GRID2: variants seen among roughly 807,000 people sequenced by gnomAD.
The protein encoded by GRID2 is glutamate receptor ionotropic, delta-2.
Under a neutral mutation model 114.8 loss-of-function variants are expected in GRID2, and 33 were observed. The ratio of observed to expected loss-of-function variants is 0.29; its 90% confidence interval spans 0.22 to 0.38. The LOEUF is 0.38. GRID2 is among the 10% of genes least tolerant of loss of function. The pLI, the probability that GRID2 is intolerant of heterozygous loss-of-function variation, is 1.00. For synonymous variants in GRID2, 505 were observed against 449.9 expected (o/e 1.12, Z -1.55); for missense variants, 1,184 against 1,257.7 (o/e 0.94, Z 0.89).
At chr4:93,112,482 G>A (rs1459693668) in intron 4 of GRID2, among the ~76,000 whole-genome samples, 3 of 151,996 alleles carry the variant, frequency 2.0e-5, no homozygotes, top group Admixed American at 6.6e-5. Context: ...TTTCTGCTGC[G>A]CTCTGACTCT....
intron 7 of GRID2, among the ~76,000 whole-genome samples, chr4:93,233,333 TTA>T (rs1491165262): frequency 0.015 from 1,546 of 100,098 alleles, 8 homozygotes; most frequent in African/African-American, 0.028. Flanking sequence ...ATTATTATTA[TTA>T]TTTTTTTTTT....
At chr4:93,146,985 A>G (rs970478957) in intron 4 of GRID2, among the ~76,000 whole-genome samples, 18 of 152,178 alleles carry the variant, frequency 1.2e-4, no homozygotes, top group Non-Finnish European at 2.6e-4. Context: ...TTGTTTTTGA[A>G]TGTAGAATGA....
chr4:93,364,232 T>C lies in GRID2; in HGVS notation c.1246-31375T>C, dbSNP rs150818696. Among the ~76,000 whole-genome samples, 754 of 152,230 alleles carry C rather than the reference T, an allele frequency of 5.0e-3. 4 individuals carry two copies. The highest frequency in any genetic ancestry group is 0.017 in the African/African-American group (727 of 41,566). ...GCTATTTTTATTTGTTTGTAGGTAA[T>C]CTGTTTTTGTGCTTAGACACATGTG... is the stretch of plus-strand genomic sequence containing the variant. On this transcript the variant is annotated intron_variant, in intron 8 of 15. Transcript: ENST00000282020.
intron 1 of GRID2, among the ~76,000 whole-genome samples, chr4:92,314,349 T>C (rs964313696): frequency 2.0e-5 from 3 of 152,172 alleles, no homozygotes; most frequent in South Asian, 2.1e-4. Context: ...AATATTTCTA[T>C]TCTGTTAGTG....
intron 2 of GRID2, among the ~76,000 whole-genome samples, chr4:93,082,043 C>T (rs193114379): frequency 8.5e-4 from 130 of 152,226 alleles, no homozygotes; most frequent in Middle Eastern, 3.4e-3. Context: ...ATGCTTCAAC[C>T]GACATTTTGT....
intron 2 of GRID2, among the ~76,000 whole-genome samples, chr4:92,691,859 A>G (rs1287610098): frequency 6.6e-6 from 1 of 151,806 alleles, no homozygotes; most frequent in Non-Finnish European, 1.5e-5. Flanking sequence ...TAGGGTTTTT[A>G]TAACCATTAT....
chr4:92,454,953 T>A lies in GRID2; in HGVS notation c.89-135178T>A, dbSNP rs557780753. Among the ~76,000 whole-genome samples, 435 of 152,282 alleles carry A rather than the reference T, an allele frequency of 2.9e-3. 1 individual carries two copies. Among genetic ancestry groups the A allele is most frequent in the African/African-American group, 9.9e-3 (410 of 41,566 alleles). ...ACCAAACTAGAGTATTTAAAAAAAA[T>A]TATTTCTAAGAGGTTGATTTTAAAC... On this transcript the variant is annotated intron_variant, in intron 1 of 15. Transcript: ENST00000282020.
At chr4:92,380,228 T>G (rs1190250369) in intron 1 of GRID2, among the ~76,000 whole-genome samples, 3 of 151,828 alleles carry the variant, frequency 2.0e-5, no homozygotes, top group African/African-American at 7.2e-5. Flanking sequence ...TGTGTAATGA[T>G]ATAATTGAAA....
chr4:93,051,610 G>A (rs1726725762), intron 2 of GRID2, among the ~76,000 whole-genome samples: 1 of 151,976 alleles, frequency 6.6e-6, no homozygotes. Flanking sequence ...GCTATTGATG[G>A]GGAAGAATTT....
intron 12 of GRID2, among the ~76,000 whole-genome samples, chr4:93,505,736 TTAAC>T (rs1245654638): frequency 6.6e-6 from 1 of 151,406 alleles, no homozygotes; most frequent in East Asian, 1.9e-4. Flanking sequence ...ATTTGTTTAT[TTAAC>T]TAATAGCCAT....
At position 93,560,222 on chromosome 4, in the gene GRID2, T is replaced by TAAAAAAAAAAAAAAAAAAAAAAA. The variant is rs70942974; in HGVS notation, c.2193+44820_2193+44842dup. 3.5e-4 allele frequency among the ~76,000 whole-genome samples: 15 copies of TAAAAAAAAAAAAAAAAAAAAAAA among 42,946 alleles called. 2 individuals carry two copies. Among genetic ancestry groups the TAAAAAAAAAAAAAAAAAAAAAAA allele is most frequent in the Non-Finnish European group, 4.8e-4 (12 of 25,190 alleles). 28.2% of individuals were successfully genotyped at this position (42,946 alleles called of 152,430 possible). A position where few individuals can be genotyped will look rare whatever the true frequency, so the allele number is the denominator to read the frequency against. ...TACGCATGTATTCCAGAACTTAAAG[T>TAAAAAAAAAAAAAAAAAAAAAAA]AAAAAAAAAAAAAAAAAAAAAAAAA... On this transcript the variant is annotated intron_variant, in intron 13 of 15. Coordinates refer to ENST00000282020, the MANE Select transcript of GRID2 (RefSeq NM_001510.4).
chr4:93,114,311 A>G (rs1733037315), intron 4 of GRID2, among the ~76,000 whole-genome samples: 1 of 152,134 alleles, frequency 6.6e-6, no homozygotes, highest in Non-Finnish European at 1.5e-5. Context: ...TCTGATAATC[A>G]ATTTCAACTG....
chr4:92,319,562 A>G (rs1455983833), intron 1 of GRID2, among the ~76,000 whole-genome samples: 5 of 152,228 alleles, frequency 3.3e-5, no homozygotes, highest in Non-Finnish European at 5.9e-5. Context: ...ATAGGTTCTC[A>G]ACGCTGCCAG....
intron 2 of GRID2, among the ~76,000 whole-genome samples, chr4:92,923,858 A>G (rs1224086798): frequency 6.6e-6 from 1 of 152,194 alleles, no homozygotes; most frequent in Non-Finnish European, 1.5e-5. Context: ...TCAGGGATCT[A>G]GAACTAGAAA....
chr4:93,352,938 G>A (rs1760945733), intron 8 of GRID2, among the ~76,000 whole-genome samples: 1 of 151,920 alleles, frequency 6.6e-6, no homozygotes, highest in East Asian at 1.9e-4. Flanking sequence ...TAAAAAAGAT[G>A]TATTGTGGTC....
chr4:92,417,794 C>T (rs940659032), intron 1 of GRID2, among the ~76,000 whole-genome samples: 6 of 152,092 alleles, frequency 3.9e-5, no homozygotes, highest in African/African-American at 1.2e-4. Flanking sequence ...ATGGGACGGA[C>T]CCAGTAGGAA....
chr4:93,539,826 C>T (rs1258778696), intron 13 of GRID2, among the ~76,000 whole-genome samples: 1 of 151,770 alleles, frequency 6.6e-6, no homozygotes, highest in African/African-American at 2.4e-5. Flanking sequence ...TGTTTGTGTG[C>T]TCTGGAAGTT....
intron 14 of GRID2, among the ~76,000 whole-genome samples, chr4:93,757,713 T>C (rs1355808894): frequency 6.6e-6 from 1 of 152,220 alleles, no homozygotes; most frequent in African/African-American, 2.4e-5. Flanking sequence ...CCCAGCACTT[T>C]GGGAGGCAGA....
intron 13 of GRID2, among the ~76,000 whole-genome samples, chr4:93,586,123 G>C (rs57384722): frequency 1.3e-5 from 2 of 151,940 alleles, no homozygotes; most frequent in Non-Finnish European, 2.9e-5. Flanking sequence ...TAAACTACTT[G>C]AGTGATCCTA....
Sources: allele counts gnomAD v4.1 joint callset (sites outside exome capture counted in the v4.1 genomes callset), GRCh38; gene constraint gnomAD v4.1.1; transcripts MANE v1.5; gene names NCBI Gene and HGNC (gene_info 2026-07-23, HGNC 2026-07-21).